Variants in IL7 observed in about 807,000 individuals in gnomAD.
The protein encoded by IL7 is interleukin 7.
In IL7, 3 loss-of-function variants were observed where a neutral mutation model predicts 21.6. That is an observed-to-expected ratio of 0.14 (90% CI 0.06 to 0.36). The LOEUF is 0.36. Ranked by LOEUF, IL7 falls within the 10% of genes least tolerant of loss-of-function variation. The probability of loss-of-function intolerance (pLI) is 1.00; values close to 1 mark genes in which losing one functional copy is unlikely to be tolerated. For missense variants in IL7, 175 were observed against 200.2 expected (o/e 0.87, Z 0.76); for synonymous variants, 62 against 68.1 (o/e 0.91, Z 0.44).
At chr8:78,798,246 T>C (rs747250010) in intron 1 of IL7, 38 bp from the exon 2 acceptor site, 1 of 1,474,306 alleles carries the variant, frequency 6.8e-7, no homozygotes, top group Admixed American at 1.8e-5. Flanking sequence ...CTAAATGTTA[T>C]ATCGTATTGC....
Position 78,746,983 on chromosome 8 carries a change from A to G in IL7, c.148-6901T>C, listed in dbSNP as rs539658808. 132 of 455,376 alleles carry G rather than the reference A, an allele frequency of 2.9e-4. No individual in the cohort carries two copies. In the East Asian group the frequency reaches 6.5e-3, roughly 23 times the overall value. 28.2% of individuals were successfully genotyped at this position (455,376 alleles called of 1,614,324 possible). ...AGGAGAGAAAGTCAATATGGTTCAC[A>G]GTTACTCTTCATGGTCACATGTGCT... On this transcript the variant is annotated intron_variant, in intron 2 of 5. Transcript: ENST00000263851.
At chr8:78,741,406 T>G (rs1416550494) in intron 2 of IL7, among the ~76,000 whole-genome samples, 1 of 152,162 alleles carries the variant, frequency 6.6e-6, no homozygotes, top group Non-Finnish European at 1.5e-5. Context: ...ATACATAATT[T>G]TTTCTTTGAT....
At chr8:78,705,507 G>C (rs370092859) in intron 3 of IL7, among the ~76,000 whole-genome samples, 72 of 152,298 alleles carry the variant, frequency 4.7e-4, no homozygotes, top group African/African-American at 1.5e-3. Context: ...ACACCTGTGG[G>C]TGTGGCTGAA....
chr8:78,751,929 A>C (rs924184950), intron 2 of IL7, among the ~76,000 whole-genome samples: 4 of 151,714 alleles, frequency 2.6e-5, no homozygotes, highest in African/African-American at 4.8e-5. Context: ...CCTCCCTCCT[A>C]CCCTTTTGTG....
downstream of IL7, among the ~76,000 whole-genome samples, chr8:78,716,499 A>G (rs748476712): frequency 6.6e-6 from 1 of 152,166 alleles, no homozygotes; most frequent in Non-Finnish European, 1.5e-5. Context: ...TTGCATCACA[A>G]TAATTTAATA....
chr8:78,747,188 C>CTTT (rs1191243585), intron 2 of IL7: 3,386 of 254,704 alleles, frequency 0.013, 208 homozygotes, highest in African/African-American at 0.098. Context: ...TACTTCATTG[C>CTTT]TTTTTTTTTT....
intron 2 of IL7, among the ~76,000 whole-genome samples, chr8:78,766,349 G>A (rs554736532): frequency 2.6e-5 from 4 of 152,180 alleles, no homozygotes; most frequent in African/African-American, 9.6e-5. Flanking sequence ...GATGTGTAGA[G>A]TCATTGATCA....
downstream of IL7, chr8:78,675,659 C>A: frequency 1.2e-6 from 1 of 833,432 alleles, no homozygotes; most frequent in Non-Finnish European, 1.8e-6. Context: ...TTGCTTATTT[C>A]AAAATGCAGT....
intron 2 of IL7, chr8:78,760,449 A>G: frequency 6.4e-7 from 1 of 1,571,330 alleles, no homozygotes; most frequent in Non-Finnish European, 8.6e-7. Context: ...TAGATGGTGG[A>G]CGGAAGCTCT....
At chr8:78,714,663 G>T (rs1263311979), downstream of IL7, among the ~76,000 whole-genome samples, 1 of 152,140 alleles carries the variant, frequency 6.6e-6, no homozygotes, top group East Asian at 1.9e-4. Flanking sequence ...CCAACCAGAA[G>T]TCCCTCTGAT....
At chr8:78,798,432 T>C (rs1024184360) in intron 1 of IL7, among the ~76,000 whole-genome samples, 1 of 151,984 alleles carries the variant, frequency 6.6e-6, no homozygotes. Flanking sequence ...CAATTACTCT[T>C]TAGGAAAGTG....
chr8:78,770,412 C>G (rs1239444994), intron 2 of IL7, among the ~76,000 whole-genome samples: 1 of 152,036 alleles, frequency 6.6e-6, no homozygotes, highest in African/African-American at 2.4e-5. Flanking sequence ...GACATGTTTC[C>G]CCTCTCTTAC....
intron 2 of IL7, among the ~76,000 whole-genome samples, chr8:78,740,913 A>C (rs1811758044): frequency 6.6e-6 from 1 of 152,174 alleles, no homozygotes; most frequent in African/African-American, 2.4e-5. Flanking sequence ...GGTAGAGATT[A>C]TCTAAATCAA....
chr8:78,717,445 A>G, downstream of IL7: 1 of 1,606,602 alleles, frequency 6.2e-7, no homozygotes, highest in African/African-American at 1.3e-5. Flanking sequence ...ACCCTGTAGA[A>G]TGGGCCAAAT....
At chr8:78,745,722 C>G (rs998479897) in intron 2 of IL7, among the ~76,000 whole-genome samples, 2 of 152,194 alleles carry the variant, frequency 1.3e-5, no homozygotes, top group African/African-American at 2.4e-5. Context: ...CTAAACTCAA[C>G]AAATGAGAGG....
chr8:78,704,336 C>T (rs546169698), intron 3 of IL7, among the ~76,000 whole-genome samples: 4 of 146,428 alleles, frequency 2.7e-5, no homozygotes, highest in East Asian at 4.0e-4. Context: ...TGCAGTGAGC[C>T]GAGATTGCGC....
At chr8:78,719,343 A>G (rs1289656120) in intron 5 of IL7, 1 of 151,726 alleles carries the variant, frequency 6.6e-6, no homozygotes, top group Non-Finnish European at 1.5e-5. Flanking sequence ...TAATGTTATA[A>G]TGTACCACAT....
Position 78,698,585 on chromosome 8 carries a change from A to G in IL7, n.215-12638T>C, listed in dbSNP as rs1027932785. 5 of 1,177,768 alleles carry G rather than the reference A, an allele frequency of 4.2e-6. No homozygotes were observed. The African/African-American group carries it at 6.3e-5, about 15-fold the overall frequency. 73.0% of individuals were successfully genotyped at this position (1,177,768 alleles called of 1,614,324 possible). A position where few individuals can be genotyped will look rare whatever the true frequency, so the allele number is the denominator to read the frequency against. ...TACTAAGGTTTTGTTATGTTTTGAT[A>G]ATTGCTTTTTCATTCATCTTCATTT... On this transcript the variant is annotated intron_variant and non_coding_transcript_variant, in intron 3 of 4. Coordinates refer to the IL7 transcript ENST00000523959.
At chr8:78,795,929 C>T (rs1813838445) in intron 2 of IL7, among the ~76,000 whole-genome samples, 1 of 152,000 alleles carries the variant, frequency 6.6e-6, no homozygotes, top group Non-Finnish European at 1.5e-5. Flanking sequence ...TTCCTCAAGG[C>T]ATCATGCCAC....
Sources: allele counts gnomAD v4.1 joint callset (sites outside exome capture counted in the v4.1 genomes callset), GRCh38; gene constraint gnomAD v4.1.1; transcripts MANE v1.5; gene names NCBI Gene and HGNC (gene_info 2026-07-23, HGNC 2026-07-21).